The following LINGO2 variants were observed in gnomAD, a reference collection of about 807,000 sequenced individuals.
LINGO2 encodes leucine rich repeat and Ig domain containing 2.
In LINGO2, 14 loss-of-function variants were observed where a neutral mutation model predicts 30.6. The observed-to-expected ratio is 0.46, with a 90% CI of 0.30 to 0.72. The LOEUF (loss-of-function observed/expected upper bound fraction) is 0.72, where lower values mean the gene tolerates loss of function less well. Ranked by LOEUF, LINGO2 falls within the 30% of genes least tolerant of loss-of-function variation. LINGO2 has a pLI of 0.07. For missense variants in LINGO2, 729 were observed against 751.7 expected (o/e 0.97, Z 0.35); for synonymous variants, 317 against 288.5 (o/e 1.10, Z -1.00).
chr9:28,091,522 C>A (rs982410560), intron 4 of LINGO2, among the ~76,000 whole-genome samples: 5 of 152,152 alleles, frequency 3.3e-5, no homozygotes, highest in Non-Finnish European at 7.4e-5. Flanking sequence ...AACTGGATCC[C>A]TTCCTTATAC....
chr9:29,068,287 G>A, the LINGO2 span, among the ~76,000 whole-genome samples: 1 of 151,834 alleles, frequency 6.6e-6, no homozygotes, highest in African/African-American at 2.4e-5. Flanking sequence ...GATGCTAATA[G>A]CTAATATACC....
intron 5 of LINGO2, among the ~76,000 whole-genome samples, chr9:27,977,042 GA>G (rs5897259): frequency 0.28 from 41,063 of 147,126 alleles, 6,473 homozygotes; most frequent in Non-Finnish European, 0.35. Flanking sequence ...TAGGTAAATG[GA>G]AAAAAAAAAG....
intron 2 of LINGO2, among the ~76,000 whole-genome samples, chr9:28,438,902 C>A (rs1279898664): frequency 9.4e-6 from 1 of 105,978 alleles, no homozygotes; most frequent in African/African-American, 3.8e-5. Context: ...TATATTTATA[C>A]ATTATATATA....
intron 1 of LINGO2, among the ~76,000 whole-genome samples, chr9:28,506,485 C>CACATATATATATAT (rs1820135121): frequency 1.4e-5 from 1 of 73,398 alleles, no homozygotes; most frequent in Non-Finnish European, 2.7e-5. Flanking sequence ...CACACATACA[C>CACATATATATATAT]ATACACACAC....
chr9:27,975,899 T>C (rs1820570795), intron 5 of LINGO2, among the ~76,000 whole-genome samples: 2 of 152,098 alleles, frequency 1.3e-5, no homozygotes, highest in South Asian at 2.1e-4. Context: ...CATTTGATAG[T>C]TGCATAGTAA....
chr9:28,371,266 C>T (rs185354254), intron 3 of LINGO2, among the ~76,000 whole-genome samples: 55 of 152,232 alleles, frequency 3.6e-4, no homozygotes, highest in Middle Eastern at 6.8e-3. Context: ...ACTTTTATAA[C>T]GAGAACACTA....
the LINGO2 span, among the ~76,000 whole-genome samples, chr9:29,078,472 G>C: frequency 6.6e-6 from 1 of 152,006 alleles, no homozygotes; most frequent in East Asian, 1.9e-4. Flanking sequence ...TTATTCTTAA[G>C]AAATTCTTCT....
chr9:28,027,000 C>T (rs1384108710), intron 4 of LINGO2, among the ~76,000 whole-genome samples: 1 of 152,156 alleles, frequency 6.6e-6, no homozygotes, highest in Non-Finnish European at 1.5e-5. Flanking sequence ...AATGGTCCAT[C>T]TTTCCTGACA....
chr9:28,000,366 C>T (rs773279279), intron 5 of LINGO2, among the ~76,000 whole-genome samples: 3 of 149,670 alleles, frequency 2.0e-5, no homozygotes, highest in South Asian at 2.1e-4. Flanking sequence ...ATTAACAAGC[C>T]GAAAAGAAGG....
At chr9:28,204,837 C>T (rs982234354) in intron 4 of LINGO2, among the ~76,000 whole-genome samples, 1 of 152,046 alleles carries the variant, frequency 6.6e-6, no homozygotes, top group Non-Finnish European at 1.5e-5. Context: ...TCTTCTTTTC[C>T]ATTAGCTAAC....
the LINGO2 span, among the ~76,000 whole-genome samples, chr9:28,956,434 T>C: frequency 0.81 from 122,583 of 152,066 alleles, 50,347 homozygotes; most frequent in Non-Finnish European, 0.89. Flanking sequence ...GGTTTTTGTC[T>C]TGAAGTGGCA....
chr9:28,224,743 A>AATATCTTTG (rs1453920597), intron 4 of LINGO2, among the ~76,000 whole-genome samples: 1 of 152,146 alleles, frequency 6.6e-6, no homozygotes, highest in Non-Finnish European at 1.5e-5. Context: ...GAAAATATTA[A>AATATCTTTG]TGACATTCTT....
chr9:28,082,481 A>G (rs547985381), intron 4 of LINGO2, among the ~76,000 whole-genome samples: 98 of 152,104 alleles, frequency 6.4e-4, no homozygotes, highest in Non-Finnish European at 1.3e-3. Flanking sequence ...TTTCATTTTT[A>G]CAAAGCTGTG....
chr9:27,995,470 C>A (rs1328607426), intron 5 of LINGO2, among the ~76,000 whole-genome samples: 1 of 152,112 alleles, frequency 6.6e-6, no homozygotes, highest in Non-Finnish European at 1.5e-5. Flanking sequence ...AACACAGATG[C>A]AGACATCCTA....
chr9:27,972,844 T>A (rs1275698292), intron 5 of LINGO2, among the ~76,000 whole-genome samples: 1 of 152,208 alleles, frequency 6.6e-6, no homozygotes, highest in Non-Finnish European at 1.5e-5. Context: ...ATCTAAGAGA[T>A]GCCAGGATAG....
intron 3 of LINGO2, among the ~76,000 whole-genome samples, chr9:28,362,157 C>G (rs1820470820): frequency 6.6e-6 from 1 of 152,152 alleles, no homozygotes; most frequent in African/African-American, 2.4e-5. Context: ...CCACAGGGAA[C>G]CAATATAAGC....
At chr9:28,688,415 T>C in the LINGO2 span, among the ~76,000 whole-genome samples, 1 of 152,114 alleles carries the variant, frequency 6.6e-6, no homozygotes, top group East Asian at 1.9e-4. Flanking sequence ...TGTGTCTGTG[T>C]TTTTTCAGTG....
At chr9:28,698,946 G>A in the LINGO2 span, among the ~76,000 whole-genome samples, 1 of 151,968 alleles carries the variant, frequency 6.6e-6, no homozygotes, top group Non-Finnish European at 1.5e-5. Flanking sequence ...GGAGGCTAAG[G>A]TGGGAGGTTC....
intron 4 of LINGO2, among the ~76,000 whole-genome samples, chr9:28,171,004 G>A (rs1828566000): frequency 6.6e-6 from 1 of 152,160 alleles, no homozygotes; most frequent in African/African-American, 2.4e-5. Flanking sequence ...ATGGTTATGG[G>A]CACCATCATC....
Sources: allele counts gnomAD v4.1 joint callset (sites outside exome capture counted in the v4.1 genomes callset), GRCh38; gene constraint gnomAD v4.1.1; transcripts MANE v1.5; gene names NCBI Gene and HGNC (gene_info 2026-07-23, HGNC 2026-07-21).